Variants in NUMA1 observed in about 807,000 individuals in gnomAD.
NUMA1 encodes the protein SP-H antigen.
Under a neutral mutation model 237.1 loss-of-function variants are expected in NUMA1, and 62 were observed. The observed-to-expected ratio is 0.26, with a 90% CI of 0.21 to 0.32. The LOEUF is 0.32. Ranked by LOEUF, NUMA1 falls within the 10% of genes least tolerant of loss-of-function variation. The pLI, the probability that NUMA1 is intolerant of heterozygous loss-of-function variation, is 1.00. For missense variants in NUMA1, 2,533 were observed against 2,666.5 expected (o/e 0.95, Z 1.10); for synonymous variants, 1,028 against 1,066.1 (o/e 0.96, Z 0.70).
chr11:72,015,156 C>G lies in NUMA1; in HGVS notation c.2347G>C (p.Glu783Gln). The change falls in exon 15 of 27, where the codon GAA (glutamate) becomes CAA (glutamine). Residue 783 changes from glutamate to glutamine, a missense_variant. Glu to Gln is a conservative substitution (Grantham distance 29). Transcript: ENST00000393695. The surrounding 1 kb of genome is among the most constrained non-coding windows in gnomAD (Gnocchi z 4.0). ...QLGEAHQAET[E>Q]VLRRELAEAM... ...TCTGCCAGCTCCCGCCGCAGGACTTCAGTCTCAGCCTGATGGGCCTCCCCA... is the reference window on the plus strand; with the variant it reads ...TCTGCCAGCTCCCGCCGCAGGACTTGAGTCTCAGCCTGATGGGCCTCCCCA... The G allele has an allele frequency of 6.2e-7, 1 of 1,613,524 alleles. No homozygotes were observed. The highest frequency in any genetic ancestry group is 1.1e-5 in the South Asian group (1 of 91,090).
At position 72,016,149 on chromosome 11, in the gene NUMA1, C is replaced by T; in HGVS notation, c.1354G>A (p.Ala452Thr). 1 of 1,614,024 alleles carries T rather than the reference C, an allele frequency of 6.2e-7. No homozygotes were observed. The stretch of plus-strand genomic sequence containing the variant: ...TCTTCTTCGAAGTGGCCCCGCTCAG[C>T]AAGCAGCTTGGCTTCCTGCTGGCCT... ...ERGQQEAKLL[A>T]ERGHFEEEKQ... is the part of the protein sequence containing the mutation. The change falls in exon 15 of 27, where the codon GCT (alanine) becomes ACT (threonine). Residue 452 changes from alanine to threonine, a missense_variant. By Grantham distance (58) the Ala-to-Thr change is moderately conservative (BLOSUM62 0). This residue lies in a region of NUMA1 where 1,414 missense variants were observed against 1,508.1 expected (regional missense o/e 0.94). Transcript: ENST00000393695.
chr11:72,074,415 C>T (rs148912345), intron 1 of NUMA1, among the ~76,000 whole-genome samples: 11 of 152,112 alleles, frequency 7.2e-5, no homozygotes, highest in Non-Finnish European at 7.4e-5. Flanking sequence ...TCACAATATA[C>T]GCTGGAAAAA....
intron 21 of NUMA1, 134 bp from the exon 22 acceptor site, chr11:72,006,397 G>A (rs769408718): frequency 4.2e-5 from 29 of 698,142 alleles, no homozygotes; most frequent in Non-Finnish European, 6.8e-5. Flanking sequence ...TCCTTAAAGT[G>A]TGTGTCTGCA....
At chr11:72,012,222 G>C (rs749786860) in intron 16 of NUMA1, 179 bp downstream of exon 16, 5 of 615,096 alleles carry the variant, frequency 8.1e-6, no homozygotes, top group Non-Finnish European at 1.2e-5. Flanking sequence ...GATGAGGCCT[G>C]AGAGAGCCCA....
At chr11:72,058,064 T>C (rs1942758438) in intron 2 of NUMA1, among the ~76,000 whole-genome samples, 2 of 151,910 alleles carry the variant, frequency 1.3e-5, no homozygotes, top group Admixed American at 1.3e-4. Flanking sequence ...AGAGCAAAAC[T>C]ACATCTCAAA....
At chr11:72,054,777 C>T (rs1942547265) in intron 2 of NUMA1, among the ~76,000 whole-genome samples, 1 of 152,110 alleles carries the variant, frequency 6.6e-6, no homozygotes, top group African/African-American at 2.4e-5. Context: ...TAATCAGTAA[C>T]TAATGAAAAA....
At position 72,015,543 on chromosome 11, in the gene NUMA1, C is replaced by T. The variant is rs1956471224; in HGVS notation, c.1960G>A (p.Glu654Lys). 1 of 1,613,504 alleles carries T rather than the reference C, an allele frequency of 6.2e-7. No homozygotes were observed. ...EKAELSRKVE[E>K]LQACVETARQ... is the part of the protein sequence containing the mutation. ...GCTGTCTCAACACAGGCCTGGAGTT[C>T]CTCCACCTTCCGGCTCAGCTCTGCC... Residue 654 changes from glutamate (E) to lysine (K), a missense_variant, in exon 15 of 27, where the codon GAA (glutamate) becomes AAA (lysine). Transcript: ENST00000393695. This position sits in a 1 kb window ranked among gnomAD's most constrained non-coding sequence, Gnocchi z 4.0.
chr11:72,007,240 G>T lies in NUMA1; in HGVS notation c.5412C>A (p.Thr1804=), dbSNP rs374713743. 1.9e-6 allele frequency: 3 copies of T among 1,613,124 alleles called. No individual in the cohort carries two copies. The highest frequency in any genetic ancestry group is 1.3e-5 in the African/African-American group (1 of 74,932). Residue 1804 remains threonine, a synonymous_variant, in exon 21 of 27, where the codon ACC becomes ACA. Transcript: ENST00000393695. ...GDVFLDSGRK[T]RSARRRTTQI... ...GCGTGGTGCGCCGACGAGCGGAGCG[G>T]GTCTTACGACCCGAGTCCAGGAAGA...
intron 7 of NUMA1, 96 bp from the exon 8 acceptor site, chr11:72,021,387 C>G: frequency 9.3e-7 from 1 of 1,070,244 alleles, no homozygotes; most frequent in Non-Finnish European, 1.4e-6. Context: ...GTCCCCGGCT[C>G]CCTCATGCCC....
Position 72,015,862 on chromosome 11 carries a change from C to G in NUMA1, c.1641G>C (p.Gln547His), listed in dbSNP as rs147473107. The change falls in exon 15 of 27, where the codon CAG (glutamine) becomes CAC (histidine). Residue 547 changes from glutamine to histidine, a missense_variant. This residue lies in a region of NUMA1 where 1,414 missense variants were observed against 1,508.1 expected (regional missense o/e 0.94). Coordinates refer to ENST00000393695, the MANE Select transcript of NUMA1 (RefSeq NM_006185.4). The surrounding 1 kb of genome is among the most constrained non-coding windows in gnomAD (Gnocchi z 4.0). Reference protein sequence around the residue: ...QTLQQQEQASQGLRHQVEQLS... With the variant: ...QTLQQQEQASHGLRHQVEQLS... Reference sequence around the variant, plus strand: ...GCTGCTCCACCTGGTGGCGGAGGCCCTGGGAGGCCTGTTCTTGCTGTTGGA... The same window carrying G: ...GCTGCTCCACCTGGTGGCGGAGGCCGTGGGAGGCCTGTTCTTGCTGTTGGA... 2.4e-5 allele frequency: 39 copies of G among 1,614,046 alleles called. No homozygotes were observed. The highest frequency in any genetic ancestry group is 5.3e-5 in the African/African-American group (4 of 74,940).
intron 17 of NUMA1, among the ~76,000 whole-genome samples, chr11:72,009,721 T>A (rs1318661000): frequency 9.9e-5 from 2 of 20,256 alleles, no homozygotes; most frequent in East Asian, 1.4e-3. Flanking sequence ...AACACCCAGG[T>A]GCAGAGCCTT....
intron 4 of NUMA1, among the ~76,000 whole-genome samples, chr11:72,026,858 C>G (rs549261763): frequency 6.6e-6 from 1 of 152,274 alleles, no homozygotes; most frequent in East Asian, 1.9e-4. Context: ...ACCTCCATTT[C>G]CCAAAAGGAA....
chr11:72,069,714 C>T (rs1254928277), intron 2 of NUMA1, 128 bp downstream of exon 2: 3 of 152,184 alleles, frequency 2.0e-5, no homozygotes, highest in Non-Finnish European at 4.4e-5. Context: ...CTGTTTGCCT[C>T]AAATAATTGA....
chr11:72,077,032 T>C (rs1943740027), intron 1 of NUMA1, among the ~76,000 whole-genome samples: 1 of 151,986 alleles, frequency 6.6e-6, no homozygotes, highest in African/African-American at 2.4e-5. Context: ...AAAAACAAAT[T>C]AGACCTAGCT....
At chr11:72,007,515 T>C in intron 20 of NUMA1, 80 bp from the exon 21 acceptor site, 1 of 1,536,392 alleles carries the variant, frequency 6.5e-7, no homozygotes, top group Non-Finnish European at 8.8e-7. Flanking sequence ...AGTGACCATT[T>C]CCCATCCTTA....
At chr11:72,075,452 C>T (rs565484335) in intron 1 of NUMA1, among the ~76,000 whole-genome samples, 1 of 152,310 alleles carries the variant, frequency 6.6e-6, no homozygotes, top group African/African-American at 2.4e-5. Flanking sequence ...CCAGCATCAG[C>T]TAAGTAAGGC....
chr11:72,058,152 C>A (rs1485547853), intron 2 of NUMA1, among the ~76,000 whole-genome samples: 1 of 152,126 alleles, frequency 6.6e-6, no homozygotes, highest in Non-Finnish European at 1.5e-5. Context: ...GTTTGTTTTC[C>A]TTGTTCTTCA....
At position 72,076,176 on chromosome 11, in the gene NUMA1, C is replaced by T. The variant is rs141624535; in HGVS notation, c.-103+4282G>A. Among the ~76,000 whole-genome samples, 161 of 149,962 alleles carry T rather than the reference C, an allele frequency of 1.1e-3. 1 individual carries two copies. The highest frequency in any genetic ancestry group is 3.7e-3 in the African/African-American group (151 of 40,782). ...ATTGCTTGAGCCCAGGAGTTCGAGA[C>T]CAGCCCGGGCAACATGGCAAAACCC... On this transcript the variant is annotated intron_variant, in intron 1 of 26. Coordinates refer to ENST00000393695, the MANE Select transcript of NUMA1 (RefSeq NM_006185.4).
intron 4 of NUMA1, 173 bp from the exon 5 acceptor site, chr11:72,024,526 T>C (rs1939311147): frequency 1.6e-6 from 1 of 609,094 alleles, no homozygotes; most frequent in Admixed American, 2.8e-5. Flanking sequence ...TTTATCCAGA[T>C]GGAACTGTGT....
Sources: gnomAD v4.1 joint callset for allele counts (sites outside exome capture counted in the v4.1 genomes callset) on GRCh38, gnomAD v4.1.1 for gene constraint, gnomAD v4.1.1 regional missense constraint, Gnocchi (gnomAD v3.1) non-coding constraint, MANE v1.5 for transcripts, NCBI Gene and HGNC (gene_info 2026-07-23, HGNC 2026-07-21) for gene names.